The following HDX variants were observed in gnomAD, a reference collection of about 807,000 sequenced individuals.
The protein encoded by HDX is highly divergent homeobox.
A neutral mutation model predicts 45.2 loss-of-function variants in HDX; 19 were observed. The observed-to-expected ratio is 0.42, with a 90% confidence interval of 0.29 to 0.62. The LOEUF is 0.62. HDX is among the 20% of genes least tolerant of loss of function. HDX has a pLI of 0.20. For missense variants in HDX, 532 were observed against 493.9 expected (o/e 1.08, Z -0.73); for synonymous variants, 188 against 172.8 (o/e 1.09, Z -0.69).
At chrX:84,486,405 A>C (rs2040790568) in intron 2 of HDX, among the ~76,000 whole-genome samples, 1 of 109,315 alleles carries the variant, frequency 9.1e-6, no homozygotes, top group African/African-American at 3.5e-5. Flanking sequence ...TTAAGAAGAC[A>C]AAAATAGAAT....
At chrX:84,500,416 G>T (rs1447784643) in intron 1 of HDX, 1 of 109,628 alleles carries the variant, frequency 9.1e-6, no homozygotes, top group African/African-American at 3.3e-5. Context: ...TTAAGGAAGG[G>T]TTTAAAATCC....
intron 5 of HDX, among the ~76,000 whole-genome samples, chrX:84,408,610 GTA>G (rs2038900015): frequency 9.7e-6 from 1 of 102,863 alleles, no homozygotes; most frequent in African/African-American, 3.5e-5. Flanking sequence ...AATGCCATTG[GTA>G]GTTTGATCAG....
rs764778461 is a variant in HDX at position 84,469,287 on chromosome X, C to A, written c.436G>T (p.Asp146Tyr). Residue 146 changes from aspartate to tyrosine, a missense_variant, in exon 4 of 11, where the codon GAT becomes TAT. Physicochemically the swap from Asp to Tyr is radical, Grantham distance 160. Around this residue, in one of 3 missense-constraint regions of HDX, gnomAD observed 376 missense variants for 343.7 expected, o/e 1.09. Coordinates refer to ENST00000373177, the MANE Select transcript of HDX (RefSeq NM_001177479.2). ...IPIQKTATKNDTEFQLHIPVQ... is the reference protein window; with the variant it reads ...IPIQKTATKNYTEFQLHIPVQ... The stretch of plus-strand genomic sequence containing the variant: ...GGAATGTGTAACTGAAACTCAGTAT[C>A]ATTTTTAGTGGCTGTTTTCTGAATA... 3 of 1,208,814 alleles carry A rather than the reference C, an allele frequency of 2.5e-6. No individual in the cohort carries two copies. Among genetic ancestry groups the A allele is most frequent in the Non-Finnish European group, 3.4e-6 (3 of 894,205 alleles).
At chrX:84,443,287 A>G (rs1348223951) in intron 4 of HDX, among the ~76,000 whole-genome samples, 4 of 111,337 alleles carry the variant, frequency 3.6e-5, no homozygotes, top group African/African-American at 1.3e-4. Context: ...TATTGATGGT[A>G]TATTTCTCAT....
chrX:84,401,122 C>A (rs762662359), intron 5 of HDX, among the ~76,000 whole-genome samples: 5 of 111,823 alleles, frequency 4.5e-5, no homozygotes, highest in African/African-American at 1.6e-4. Flanking sequence ...CTAGTCAATG[C>A]CATTCAAGAT....
At chrX:84,387,445 G>C (rs969514982) in intron 5 of HDX, among the ~76,000 whole-genome samples, 1 of 111,631 alleles carries the variant, frequency 9.0e-6, no homozygotes, top group African/African-American at 3.2e-5. Flanking sequence ...TAGTATTATT[G>C]TGTGATTGTC....
chrX:84,383,899 C>G (rs780534176), intron 5 of HDX, among the ~76,000 whole-genome samples: 5 of 111,448 alleles, frequency 4.5e-5, no homozygotes, highest in Non-Finnish European at 9.4e-5. Flanking sequence ...TTTTATGCCT[C>G]CATAGTATTC....
chrX:84,461,692 G>T (rs768329476), intron 4 of HDX, among the ~76,000 whole-genome samples: 1 of 111,299 alleles, frequency 9.0e-6, no homozygotes, highest in African/African-American at 3.3e-5. Context: ...AAAAGCTTCT[G>T]CACAGCAAAG....
Position 84,468,487 on chromosome X carries a change from G to T in HDX, c.1236C>A (p.Asn412Lys), listed in dbSNP as rs769680477. 3.5e-6 allele frequency: 4 copies of T among 1,148,718 alleles called. No homozygotes were observed. The highest frequency in any genetic ancestry group is 4.7e-6 in the Non-Finnish European group (4 of 852,930). 94.7% of individuals were successfully genotyped at this position (1,148,718 alleles called of 1,213,427 possible). Residue 412 changes from asparagine (N) to lysine (K), a missense_variant, in exon 4 of 11, where the codon AAC (asparagine) becomes AAA (lysine). Coordinates refer to ENST00000373177, the MANE Select transcript of HDX (RefSeq NM_001177479.2). ...ASSNQLRLSQ[N>K]QNNYQISGNL... Reference sequence around the variant, plus strand: ...TACACATTACCTGGTAATTGTTTTGGTTTTGTGATAATCTCAATTGGTTTG... The same window carrying T: ...TACACATTACCTGGTAATTGTTTTGTTTTTGTGATAATCTCAATTGGTTTG...
intron 5 of HDX, among the ~76,000 whole-genome samples, chrX:84,413,784 C>T (rs2039040130): frequency 9.0e-6 from 1 of 111,220 alleles, no homozygotes; most frequent in African/African-American, 3.3e-5. Flanking sequence ...GCTCTTAGCC[C>T]TTTACTGAGA....
At chrX:84,470,033 G>A (rs1461264150) in intron 3 of HDX, among the ~76,000 whole-genome samples, 2 of 111,832 alleles carry the variant, frequency 1.8e-5, no homozygotes, top group Non-Finnish European at 3.8e-5. Flanking sequence ...TCATAGTATT[G>A]TTAAACAAAT....
chrX:84,444,457 G>A (rs1199416292), intron 4 of HDX, among the ~76,000 whole-genome samples: 3 of 110,716 alleles, frequency 2.7e-5, no homozygotes, highest in Non-Finnish European at 5.7e-5. Flanking sequence ...ACCAGGGTAA[G>A]GAGGTAGGAA....
At chrX:84,433,457 G>A (rs1211991224) in intron 5 of HDX, among the ~76,000 whole-genome samples, 4 of 111,336 alleles carry the variant, frequency 3.6e-5, no homozygotes, top group African/African-American at 9.8e-5. Flanking sequence ...TTCTCCCAGC[G>A]AGTGCTCTTG....
At chrX:84,416,930 A>G (rs1312788871) in intron 5 of HDX, among the ~76,000 whole-genome samples, 1 of 110,237 alleles carries the variant, frequency 9.1e-6, no homozygotes, top group East Asian at 2.8e-4. Context: ...TGAGGCGGAC[A>G]GATCACTTGA....
At chrX:84,374,233 C>T (rs1331600379) in intron 5 of HDX, among the ~76,000 whole-genome samples, 2 of 110,798 alleles carry the variant, frequency 1.8e-5, no homozygotes, top group Admixed American at 9.6e-5. Context: ...AGGAGAACTA[C>T]AAACCATTGC....
intron 5 of HDX, among the ~76,000 whole-genome samples, chrX:84,421,371 A>G (rs1189504759): frequency 8.9e-6 from 1 of 111,787 alleles, no homozygotes; most frequent in Non-Finnish European, 1.9e-5. Flanking sequence ...GGTTAAAATA[A>G]TGGGTTATAA....
At chrX:84,373,226 C>T (rs1009365942) in intron 5 of HDX, among the ~76,000 whole-genome samples, 2 of 111,212 alleles carry the variant, frequency 1.8e-5, no homozygotes, top group Admixed American at 9.6e-5. Context: ...GCTATTTTGA[C>T]GAGGAGCACT....
chrX:84,450,422 T>C (rs1309929855), intron 4 of HDX, among the ~76,000 whole-genome samples: 2 of 110,284 alleles, frequency 1.8e-5, no homozygotes, highest in Non-Finnish European at 1.9e-5. Flanking sequence ...AGACTTTAAG[T>C]AAAAAACAAT....
chrX:84,373,764 T>C (rs1260165916), intron 5 of HDX, among the ~76,000 whole-genome samples: 2 of 111,348 alleles, frequency 1.8e-5, no homozygotes, highest in Non-Finnish European at 1.9e-5. Flanking sequence ...TATCTCAAAA[T>C]AATAAGAGCT....
Sources: gnomAD v4.1 joint callset for allele counts (sites outside exome capture counted in the v4.1 genomes callset) on GRCh38, gnomAD v4.1.1 for gene constraint, gnomAD v4.1.1 regional missense constraint, MANE v1.5 for transcripts, NCBI Gene and HGNC (gene_info 2026-07-23, HGNC 2026-07-21) for gene names.